Variants in CSMD3 observed in about 807,000 individuals in gnomAD.
CSMD3 encodes CUB and Sushi multiple domains 3, also known as CUB and sushi domain-containing protein 3.
CSMD3 carries 177 observed loss-of-function variants against 435.2 expected under a neutral mutation model. That is an observed-to-expected ratio of 0.41 (90% CI 0.36 to 0.46). The LOEUF (loss-of-function observed/expected upper bound fraction) is 0.46. Ranked by LOEUF, CSMD3 falls within the 20% of genes least tolerant of loss-of-function variation. The probability of loss-of-function intolerance (pLI) is 0.34; values close to 1 mark genes in which losing one functional copy is unlikely to be tolerated. For synonymous variants in CSMD3, 1,656 were observed against 1,520.5 expected (o/e 1.09, Z -2.07); for missense variants, 4,265 against 4,504.6 (o/e 0.95, Z 1.52).
At chr8:112,550,101 G>A (rs1294265846) in intron 27 of CSMD3, among the ~76,000 whole-genome samples, 1 of 151,924 alleles carries the variant, frequency 6.6e-6, no homozygotes, top group Non-Finnish European at 1.5e-5. Context: ...GCAGTGCCAT[G>A]AGAAGAAAAA....
At chr8:113,208,872 C>T (rs2092801114) in intron 3 of CSMD3, among the ~76,000 whole-genome samples, 1 of 151,972 alleles carries the variant, frequency 6.6e-6, no homozygotes, top group African/African-American at 2.4e-5. Flanking sequence ...ATTTCCCTCT[C>T]TTTAAATAAA....
At chr8:113,203,260 T>C (rs889483726) in intron 3 of CSMD3, among the ~76,000 whole-genome samples, 21 of 152,134 alleles carry the variant, frequency 1.4e-4, no homozygotes, top group African/African-American at 5.1e-4. Flanking sequence ...TTGTCAATTT[T>C]TTAAATTTTT....
chr8:112,845,821 A>G (rs918105095), intron 11 of CSMD3, among the ~76,000 whole-genome samples: 1 of 152,098 alleles, frequency 6.6e-6, no homozygotes, highest in Non-Finnish European at 1.5e-5. Context: ...CTAATTAAAT[A>G]TAATGAAGTC....
chr8:113,207,193 G>A (rs974868745), intron 3 of CSMD3, among the ~76,000 whole-genome samples: 1 of 152,090 alleles, frequency 6.6e-6, no homozygotes, highest in Non-Finnish European at 1.5e-5. Flanking sequence ...TCATCTGGAT[G>A]TAAGATTTTC....
In CSMD3 at chr8:113,155,776, T is replaced by C. The variant is rs143350535; in HGVS notation, c.709+17946A>G. Among the ~76,000 whole-genome samples, 892 of 152,162 alleles carry C rather than the reference T, an allele frequency of 5.9e-3. 4 individuals carry two copies. Among genetic ancestry groups the C allele is most frequent in the African/African-American group, 0.019 (795 of 41,540 alleles). ...TGAAAATAAGTTCGTTCCTAATATG[T>C]ATGGTAGAAAGTTTAATACAGATAT... On this transcript the variant is annotated intron_variant, in intron 4 of 70. Transcript: ENST00000297405.
At chr8:113,428,710 C>T (rs1001785568) in intron 1 of CSMD3, among the ~76,000 whole-genome samples, 4 of 151,824 alleles carry the variant, frequency 2.6e-5, no homozygotes, top group Non-Finnish European at 3.0e-5. Context: ...AAGAATGTCT[C>T]GTATCCTCTC....
intron 54 of CSMD3, among the ~76,000 whole-genome samples, chr8:112,294,257 T>C (rs1158274652): frequency 2.6e-5 from 4 of 152,146 alleles, no homozygotes; most frequent in Non-Finnish European, 4.4e-5. Flanking sequence ...TGACCGAATT[T>C]ATAAGTATAC....
At chr8:112,861,375 G>A (rs1355807356) in intron 10 of CSMD3, among the ~76,000 whole-genome samples, 1 of 151,790 alleles carries the variant, frequency 6.6e-6, no homozygotes, top group Non-Finnish European at 1.5e-5. Context: ...ATTCCTGTGA[G>A]GACCTAAATT....
At chr8:112,478,420 A>G (rs1389344444) in intron 31 of CSMD3, among the ~76,000 whole-genome samples, 1 of 152,192 alleles carries the variant, frequency 6.6e-6, no homozygotes, top group Non-Finnish European at 1.5e-5. Context: ...AGTGAAGTCT[A>G]AGTTGACAAG....
At chr8:113,323,499 G>A (rs1019081164) in intron 1 of CSMD3, among the ~76,000 whole-genome samples, 2 of 152,138 alleles carry the variant, frequency 1.3e-5, no homozygotes, top group African/African-American at 2.4e-5. Flanking sequence ...TTTAACGTGT[G>A]TTTTGATTAA....
At chr8:112,798,303 G>A (rs2078875691) in intron 13 of CSMD3, among the ~76,000 whole-genome samples, 1 of 151,768 alleles carries the variant, frequency 6.6e-6, no homozygotes, top group Non-Finnish European at 1.5e-5. Flanking sequence ...AAGAAAATTA[G>A]ATGGAGAAAG....
intron 5 of CSMD3, among the ~76,000 whole-genome samples, chr8:113,088,962 G>A (rs1378909548): frequency 6.6e-6 from 1 of 152,074 alleles, no homozygotes; most frequent in Non-Finnish European, 1.5e-5. Flanking sequence ...CCTGAATATT[G>A]AACATTAAAC....
At chr8:112,623,846 A>T (rs373246968) in intron 22 of CSMD3, among the ~76,000 whole-genome samples, 6 of 152,234 alleles carry the variant, frequency 3.9e-5, no homozygotes, top group African/African-American at 1.4e-4. Flanking sequence ...CACCTAGCAC[A>T]GCATGACAGT....
chr8:112,589,081 GTTC>G (rs1830963508), intron 22 of CSMD3, among the ~76,000 whole-genome samples: 1 of 152,128 alleles, frequency 6.6e-6, no homozygotes, highest in African/African-American at 2.4e-5. Flanking sequence ...AATGGTTTTA[GTTC>G]TTCTCTGTAA....
At chr8:113,207,658 C>T (rs1411906361) in intron 3 of CSMD3, among the ~76,000 whole-genome samples, 1 of 152,068 alleles carries the variant, frequency 6.6e-6, no homozygotes, top group African/African-American at 2.4e-5. Flanking sequence ...GCTGGGATTA[C>T]AGGTGTGAGC....
intron 6 of CSMD3, among the ~76,000 whole-genome samples, chr8:113,015,463 T>C (rs2086420410): frequency 6.6e-6 from 1 of 151,876 alleles, no homozygotes; most frequent in Non-Finnish European, 1.5e-5. Flanking sequence ...AAAATCAAAT[T>C]GTGATTAAAA....
chr8:112,939,248 T>C (rs2083376657), intron 9 of CSMD3, among the ~76,000 whole-genome samples: 1 of 152,052 alleles, frequency 6.6e-6, no homozygotes, highest in African/African-American at 2.4e-5. Flanking sequence ...ATGAATGAGA[T>C]AGAAGTGGCA....
intron 6 of CSMD3, among the ~76,000 whole-genome samples, chr8:112,999,327 A>C (rs1302288099): frequency 6.6e-6 from 1 of 151,954 alleles, no homozygotes; most frequent in African/African-American, 2.4e-5. Flanking sequence ...ATTGAGCCAC[A>C]CAATTTAGGA....
intron 32 of CSMD3, among the ~76,000 whole-genome samples, chr8:112,434,472 AT>A (rs1424813512): frequency 3.9e-5 from 6 of 152,052 alleles, no homozygotes; most frequent in Non-Finnish European, 8.8e-5. Flanking sequence ...GTCTACCAGC[AT>A]TTTTTTCTCC....
Sources: gnomAD v4.1 joint callset for allele counts (sites outside exome capture counted in the v4.1 genomes callset) on GRCh38, gnomAD v4.1.1 for gene constraint, MANE v1.5 for transcripts, NCBI Gene and HGNC (gene_info 2026-07-23, HGNC 2026-07-21) for gene names.